The following IQCM variants were observed in gnomAD, a reference collection of about 807,000 sequenced individuals.
The protein encoded by IQCM is IQ domain-containing protein M.
A neutral mutation model predicts 57.6 loss-of-function variants in IQCM; 45 were observed. The ratio of observed to expected loss-of-function variants is 0.78; its 90% CI spans 0.62 to 1.00. The LOEUF (loss-of-function observed/expected upper bound fraction) is 1.00. Ranked by LOEUF, IQCM falls within the 50% of genes least tolerant of loss-of-function variation. IQCM has a pLI of 0.00. For synonymous variants in IQCM, 148 were observed against 158.9 expected, an observed-to-expected ratio of 0.93 and a Z score of 0.51; for missense variants, 468 against 511.6, an observed-to-expected ratio of 0.91 and a Z score of 0.82.
intron 12 of IQCM, among the ~76,000 whole-genome samples, chr4:149,495,324 G>A (rs2149783312): frequency 6.6e-6 from 1 of 152,222 alleles, no homozygotes; most frequent in South Asian, 2.1e-4. Context: ...TATATTAAAT[G>A]TGAGCTAAGC....
chr4:149,552,013 C>A (rs1749083809), intron 11 of IQCM, among the ~76,000 whole-genome samples: 1 of 152,068 alleles, frequency 6.6e-6, no homozygotes, highest in Non-Finnish European at 1.5e-5. Context: ...GATCTAGCAA[C>A]CTCTGACTTA....
intron 12 of IQCM, among the ~76,000 whole-genome samples, chr4:149,440,900 T>TCA (rs1735876064): frequency 2.0e-5 from 3 of 152,136 alleles, no homozygotes; most frequent in African/African-American, 7.2e-5. Flanking sequence ...ATTATACTAA[T>TCA]GTTAAGATTA....
intron 13 of IQCM, among the ~76,000 whole-genome samples, chr4:149,390,637 TG>T (rs1032202283): frequency 3.3e-5 from 5 of 151,986 alleles, no homozygotes; most frequent in African/African-American, 1.2e-4. Context: ...GTCATGAAAC[TG>T]TGTTGGATTT....
At chr4:149,620,830 T>C (rs1028111576) in intron 8 of IQCM, among the ~76,000 whole-genome samples, 16 of 152,190 alleles carry the variant, frequency 1.1e-4, no homozygotes, top group African/African-American at 3.9e-4. Context: ...CTATGTACCA[T>C]TACAAAAATA....
rs543474328 is a variant in IQCM at position 149,687,227 on chromosome 4, G to C, written c.386-759C>G. 2.6e-5 allele frequency among the ~76,000 whole-genome samples: 4 copies of C among 151,576 alleles called. No individual in the cohort carries two copies. The East Asian group carries it at 7.8e-4, about 30-fold the overall frequency. ...TCTCAATGTCATCAAAAAGAAGAGC[G>C]TATTAGACTGAATTATGTAACGTAT... On this transcript the variant is annotated intron_variant, in intron 5 of 13. Transcript: ENST00000636793.
chr4:149,695,083 G>A (rs1357551224), intron 5 of IQCM, among the ~76,000 whole-genome samples: 1 of 152,176 alleles, frequency 6.6e-6, no homozygotes, highest in African/African-American at 2.4e-5. Context: ...CTGGGTAGAT[G>A]TCATATAATT....
At chr4:149,718,156 C>A (rs1353227788) in intron 5 of IQCM, among the ~76,000 whole-genome samples, 1 of 152,126 alleles carries the variant, frequency 6.6e-6, no homozygotes, top group Non-Finnish European at 1.5e-5. Context: ...TTATTTAAAG[C>A]CATATTCTCT....
chr4:149,440,351 AT>A (rs923800328), intron 12 of IQCM, among the ~76,000 whole-genome samples: 2 of 151,538 alleles, frequency 1.3e-5, no homozygotes, highest in African/African-American at 4.8e-5. Flanking sequence ...CATTTTGGTT[AT>A]TTTTCTATAT....
chr4:149,366,148 G>A (rs905604943), intron 13 of IQCM, among the ~76,000 whole-genome samples: 11 of 151,882 alleles, frequency 7.2e-5, no homozygotes, highest in Non-Finnish European at 1.0e-4. Flanking sequence ...TACTATATAG[G>A]AGGGCTATCA....
At chr4:149,464,314 C>T (rs927447716) in intron 12 of IQCM, among the ~76,000 whole-genome samples, 2 of 152,158 alleles carry the variant, frequency 1.3e-5, no homozygotes, top group Admixed American at 6.5e-5. Flanking sequence ...AAATAAATCT[C>T]AATCTCTATC....
At chr4:149,720,798 T>C (rs942654106) in intron 5 of IQCM, among the ~76,000 whole-genome samples, 3 of 152,192 alleles carry the variant, frequency 2.0e-5, no homozygotes, top group Non-Finnish European at 4.4e-5. Flanking sequence ...CTCAAACTTA[T>C]TCTCTCATTT....
intron 7 of IQCM, among the ~76,000 whole-genome samples, 152 bp from the exon 8 acceptor site, chr4:149,621,396 A>G (rs1756322528): frequency 6.6e-6 from 1 of 152,240 alleles, no homozygotes; most frequent in South Asian, 2.1e-4. Context: ...AATCGTAGAG[A>G]AATGAAGACA....
chr4:149,358,073 T>C (rs1729140536), intron 13 of IQCM, among the ~76,000 whole-genome samples: 1 of 152,250 alleles, frequency 6.6e-6, no homozygotes, highest in South Asian at 2.1e-4. Flanking sequence ...TTTGTATTTC[T>C]GTGGGATCGG....
Position 149,754,894 on chromosome 4 carries a change from C to G in IQCM, c.-48-12155G>C, listed in dbSNP as rs1768819824. 2.0e-5 allele frequency among the ~76,000 whole-genome samples: 3 copies of G among 152,166 alleles called. No homozygotes were observed. The South Asian group carries it at 6.2e-4, about 32-fold the overall frequency. ...CTATCTCACATCTTCATTCGGATGT[C>G]ACCAAACCATCTCAAATTTTACACA... On this transcript the variant is annotated intron_variant, in intron 2 of 13. Coordinates refer to ENST00000636793, the MANE Select transcript of IQCM (RefSeq NM_001363507.2).
At chr4:149,776,446 T>C (rs1346308356) in intron 2 of IQCM, among the ~76,000 whole-genome samples, 1 of 152,158 alleles carries the variant, frequency 6.6e-6, no homozygotes, top group African/African-American at 2.4e-5. Flanking sequence ...AAATCTAATA[T>C]CTTTCCACTA....
At position 149,637,119 on chromosome 4, in the gene IQCM, C is replaced by T. The variant is rs111694366; in HGVS notation, c.566-15875G>A. 5.4e-3 allele frequency among the ~76,000 whole-genome samples: 745 copies of T among 138,216 alleles called. 3 individuals carry two copies. Among genetic ancestry groups the T allele is most frequent in the Non-Finnish European group, 7.7e-3 (503 of 65,678 alleles). 90.7% of individuals were successfully genotyped at this position (138,216 alleles called of 152,430 possible). A position where few individuals can be genotyped will look rare whatever the true frequency, so the allele number is the denominator to read the frequency against. On this transcript the variant is annotated intron_variant, in intron 7 of 13. Transcript: ENST00000636793. ...GATTGCGCCACTGCAGTCCGCAGTC[C>T]GGCCTGGGCGACAGAGCGAGACTCC...
At chr4:149,671,256 T>C (rs184661259) in intron 7 of IQCM, among the ~76,000 whole-genome samples, 36 of 152,332 alleles carry the variant, frequency 2.4e-4, no homozygotes, top group Admixed American at 1.2e-3. Flanking sequence ...CTAGATTATC[T>C]AGGTTATTTG....
chr4:149,438,162 T>A lies in IQCM; in HGVS notation c.1229-4605A>T, dbSNP rs545349491. On this transcript the variant is annotated intron_variant, in intron 12 of 13. Coordinates refer to ENST00000636793, the MANE Select transcript of IQCM (RefSeq NM_001363507.2). ...AGTACAGATAGAAATAGCCTAATCC[T>A]TTATCTTTACCCTGTACTGGTACTA... Among the ~76,000 whole-genome samples the A allele has an allele frequency of 3.3e-5, 5 of 152,168 alleles. No homozygotes were observed. The South Asian group carries it at 1.0e-3, about 32-fold the overall frequency.
At chr4:149,655,042 T>C (rs1759517746) in intron 7 of IQCM, among the ~76,000 whole-genome samples, 5 of 152,194 alleles carry the variant, frequency 3.3e-5, no homozygotes, top group Admixed American at 3.3e-4. Context: ...ATTTCATTTC[T>C]ATTATACACC....
Sources: gnomAD v4.1 joint callset for allele counts (sites outside exome capture counted in the v4.1 genomes callset) on GRCh38, gnomAD v4.1.1 for gene constraint, MANE v1.5 for transcripts, NCBI Gene and HGNC (gene_info 2026-07-23, HGNC 2026-07-21) for gene names.